Variants in SH2B2 observed in about 807,000 individuals in gnomAD.
SH2B2 encodes the protein SH2B adapter protein 2.
Under a neutral mutation model 35.7 loss-of-function variants are expected in SH2B2, and 37 were observed. That is an observed-to-expected ratio of 1.04 (90% confidence interval 0.80 to 1.36). The LOEUF is 1.36. Ranked by LOEUF, SH2B2 falls within the 40% of genes most tolerant of loss-of-function variation. The pLI is 0.00. For missense variants in SH2B2, 852 were observed against 817.7 expected (o/e 1.04, Z -0.51); for synonymous variants, 383 against 376.4 (o/e 1.02, Z -0.20).
rs1304362553 is a variant in SH2B2, at chr7:102,321,470, C to T, written c.1739C>T (p.Pro580Leu). ...SASSSSAASG[P>L]APPRPVEGQL... ...TCGTCGTCCTCTGCCGCGTCGGGGC[C>T]CGCCCCCCCGCGCCCCGTCGAGGGC... The change falls in exon 9 of 9, where the codon CCC (proline) becomes CTC (leucine). Residue 580 changes from proline (P) to leucine (L), a missense_variant. Pro to Leu is a moderately conservative substitution (Grantham distance 98). Transcript: ENST00000444095. The T allele has an allele frequency of 2.6e-5, 31 of 1,198,394 alleles. No homozygotes were observed. The highest frequency in any genetic ancestry group is 4.6e-5 in the Admixed American group (1 of 21,626). The allele number at this position is 1,198,394 out of a possible 1,614,324, so 74.2% of individuals were successfully genotyped here. A position where few individuals can be genotyped will look rare whatever the true frequency, so the allele number is the denominator to read the frequency against.
intron 7 of SH2B2, among the ~76,000 whole-genome samples, chr7:102,319,180 G>C (rs1793964720): frequency 2.0e-5 from 3 of 152,196 alleles, no homozygotes. Flanking sequence ...ATAAATGTCT[G>C]GAAGGTCTGG....
chr7:102,312,627 ATTTC>A (rs1424664804), intron 4 of SH2B2, among the ~76,000 whole-genome samples: 3 of 152,160 alleles, frequency 2.0e-5, no homozygotes, highest in African/African-American at 4.8e-5. Context: ...AGATTGGGTA[ATTTC>A]TTTCTTTCTT....
At position 102,314,354 on chromosome 7, in the gene SH2B2, C is replaced by G. The variant is rs1439344998; in HGVS notation, c.942C>G (p.Thr314=). 2.5e-6 allele frequency: 1 copy of G among 398,616 alleles called. No individual in the cohort carries two copies. The highest frequency in any genetic ancestry group is 2.1e-5 in the African/African-American group (1 of 48,714). The allele number at this position is 398,616 out of a possible 1,614,324, so 24.7% of individuals were successfully genotyped here. A position where few individuals can be genotyped will look rare whatever the true frequency, so the allele number is the denominator to read the frequency against. The change falls in exon 5 of 9, where the codon ACC becomes ACG. Residue 314 remains threonine, a synonymous_variant. Transcript: ENST00000444095. Reference sequence around the variant, plus strand: ...TCCACAGTGACAGTGAGGAAGACACCGAGCTCTCCTGTACCCGAGGAGGCT... The same window carrying G: ...TCCACAGTGACAGTGAGGAAGACACGGAGCTCTCCTGTACCCGAGGAGGCT... ...CVDPGDSEED[T]ELSCTRGGCL... is the part of the protein sequence containing the mutation.
Position 102,300,920 on chromosome 7 carries a change from C to T in SH2B2, c.370C>T (p.His124Tyr). Residue 124 changes from histidine to tyrosine, a missense_variant, in exon 2 of 9, where the codon CAC becomes TAC. Transcript: ENST00000444095. ...GCGGAGCTCGGAGGACGTGTCCACG[C>T]ACGCGGCCACCAAGGCCCGCGTTCG... is the stretch of plus-strand genomic sequence containing the variant. ...HSRSSEDVST[H>Y]AATKARVRKG... 3 of 1,487,850 alleles carry T rather than the reference C, an allele frequency of 2.0e-6. No homozygotes were observed. Among genetic ancestry groups the T allele is most frequent in the Non-Finnish European group, 2.7e-6 (3 of 1,122,768 alleles). The allele number at this position is 1,487,850 out of a possible 1,614,324, so 92.2% of individuals were successfully genotyped here.
chr7:102,321,315 C>G lies in SH2B2; in HGVS notation c.1584C>G (p.Pro528=). The change falls in exon 9 of 9, where the codon CCC becomes CCG. Residue 528 remains proline (P), a synonymous_variant. Transcript: ENST00000444095. ...QDPPPEPGPT[P]PAAPASPACW... ...TTGTTGCAGAGCCGGGCCCCACGCC[C>G]CCTGCCGCGCCCGCGTCCCCGGCCT... 7.0e-7 allele frequency: 1 copy of G among 1,423,916 alleles called. No individual in the cohort carries two copies. Among genetic ancestry groups the G allele is most frequent in the Non-Finnish European group, 9.1e-7 (1 of 1,094,454 alleles). The allele number at this position is 1,423,916 out of a possible 1,614,324, so 88.2% of individuals were successfully genotyped here.
At chr7:102,295,152 C>T (rs1477593005) in intron 1 of SH2B2, among the ~76,000 whole-genome samples, 3 of 152,128 alleles carry the variant, frequency 2.0e-5, no homozygotes, top group African/African-American at 7.2e-5. Context: ...GAGCTGGGGG[C>T]GACAGGGATT....
chr7:102,300,800 G>T lies in SH2B2; in HGVS notation c.250G>T (p.Gly84Trp). 6.7e-7 allele frequency: 1 copy of T among 1,498,844 alleles called. No individual in the cohort carries two copies. Among genetic ancestry groups the T allele is most frequent in the Non-Finnish European group, 8.9e-7 (1 of 1,119,300 alleles). The allele number at this position is 1,498,844 out of a possible 1,614,324, so 92.8% of individuals were successfully genotyped here. A position where few individuals can be genotyped will look rare whatever the true frequency, so the allele number is the denominator to read the frequency against. The change falls in exon 2 of 9, where the codon GGG becomes TGG. Residue 84 changes from glycine to tryptophan, a missense_variant. By Grantham distance (184) the Gly-to-Trp change is radical. This residue lies in a region of SH2B2 where 294 missense variants were observed against 286.6 expected (regional missense o/e 1.03). Coordinates refer to ENST00000444095, the MANE Select transcript of SH2B2 (RefSeq NM_001359228.2). ...GGAGGTGCGCCGCGTGCTGGTGGCT[G>T]GGCCGACGACTCGGGGCGCGGCCGT... The part of the protein sequence containing the change: ...GEEVRRVLVA[G>W]PTTRGAAVSA...
chr7:102,317,169 CTG>C lies in SH2B2; in HGVS notation c.1187-16_1187-15del. The C allele has an allele frequency of 6.4e-7, 1 of 1,563,586 alleles. No homozygotes were observed. The highest frequency in any genetic ancestry group is 1.4e-5 in the African/African-American group (1 of 74,000). The stretch of plus-strand genomic sequence containing the variant: ...TCTCCTTCCCCCCATGTTCCTCACA[CTG>C]TCATCCCCACCTCAGGGGAACAGGG... On this transcript the variant is annotated splice_polypyrimidine_tract_variant and intron_variant, in intron 6 of 8. Coordinates refer to ENST00000444095, the MANE Select transcript of SH2B2 (RefSeq NM_001359228.2).
intron 1 of SH2B2, among the ~76,000 whole-genome samples, chr7:102,289,958 G>A (rs1231821685): frequency 1.3e-5 from 2 of 152,096 alleles, no homozygotes; most frequent in East Asian, 1.9e-4. Flanking sequence ...CCAGCACTGG[G>A]TGCTCCTGAA....
Position 102,301,057 on chromosome 7 carries a change from C to T in SH2B2, c.507C>T (p.Ala169=), listed in dbSNP as rs1793160236. 6.5e-6 allele frequency: 9 copies of T among 1,377,170 alleles called. No individual in the cohort carries two copies. The East Asian group carries it at 2.5e-4, about 38-fold the overall frequency. The allele number at this position is 1,377,170 out of a possible 1,614,324, so 85.3% of individuals were successfully genotyped here. A position where few individuals can be genotyped will look rare whatever the true frequency, so the allele number is the denominator to read the frequency against. ...ACGCGGCAGCTGCCCCGCGCACCGC[C>T]GAGCCCCGCGACAAGTGGACGCGGC... ...EPDAAAAPRT[A]EPRDKWTRRL... is the part of the protein sequence containing the mutation. Residue 169 remains alanine, a synonymous_variant, in exon 2 of 9, where the codon GCC becomes GCT. Transcript: ENST00000444095.
At chr7:102,320,027 A>T (rs1010518819) in intron 7 of SH2B2, among the ~76,000 whole-genome samples, 1 of 152,074 alleles carries the variant, frequency 6.6e-6, no homozygotes, top group East Asian at 1.9e-4. Context: ...TATCTCTAAC[A>T]TGGGGGCAGT....
intron 2 of SH2B2, among the ~76,000 whole-genome samples, chr7:102,302,699 C>T (rs1419513164): frequency 1.3e-5 from 2 of 152,252 alleles, no homozygotes; most frequent in Non-Finnish European, 2.9e-5. Flanking sequence ...AGAGCGCAGA[C>T]AGATGCTCAG....
Position 102,300,588 on chromosome 7 carries a change from C to T in SH2B2, c.38C>T (p.Pro13Leu), listed in dbSNP as rs1039888488. The change falls in exon 2 of 9, where the codon CCG becomes CTG. Residue 13 changes from proline (P) to leucine (L), a missense_variant. Physicochemically the swap from Pro to Leu is moderately conservative, Grantham distance 98. This residue lies in a region of SH2B2 where 294 missense variants were observed against 286.6 expected (regional missense o/e 1.03). Transcript: ENST00000444095. Reference protein sequence around the residue: ...GAGPGPAAAAPVPVPVPVPDW... With the variant: ...GAGPGPAAAALVPVPVPVPDW... ...GGCCCTGGCCCCGCCGCAGCCGCCC[C>T]GGTCCCAGTCCCGGTCCCGGTCCCG... The T allele has an allele frequency of 9.7e-6, 15 of 1,549,636 alleles. No individual in the cohort carries two copies. Among genetic ancestry groups the T allele is most frequent in the Non-Finnish European group, 1.2e-5 (14 of 1,146,378 alleles).
intron 8 of SH2B2, 125 bp downstream of exon 8, chr7:102,320,627 C>T (rs1554558248): frequency 3.2e-6 from 4 of 1,263,386 alleles, no homozygotes; most frequent in Non-Finnish European, 4.3e-6. Context: ...CCGTGTCCCT[C>T]CCACCCTAGC....
chr7:102,299,241 T>A (rs1325235081), intron 1 of SH2B2, among the ~76,000 whole-genome samples: 12 of 101,970 alleles, frequency 1.2e-4, no homozygotes, highest in South Asian at 3.6e-4. Context: ...CTCTGTCACC[T>A]AGGCTGGAGT....
At chr7:102,296,968 G>T (rs1187601157) in intron 1 of SH2B2, among the ~76,000 whole-genome samples, 1 of 151,898 alleles carries the variant, frequency 6.6e-6, no homozygotes, top group Non-Finnish European at 1.5e-5. Flanking sequence ...GACACTGCAA[G>T]ACTCTGTCTC....
rs1279105645 is a variant in SH2B2, at chr7:102,286,927, G to C, written c.-197G>C. ...GCTCGGCTGCCAGAGAGCCGCGCGG[G>C]GGACGCGCCGGGACCGCGAGGAGCG... On this transcript the variant is annotated 5_prime_UTR_variant, in exon 1 of 9. Coordinates refer to ENST00000444095, the MANE Select transcript of SH2B2 (RefSeq NM_001359228.2). 36 of 149,190 alleles carry C rather than the reference G, an allele frequency of 2.4e-4. No individual in the cohort carries two copies. Among genetic ancestry groups the C allele is most frequent in the Non-Finnish European group, 3.7e-4 (25 of 67,114 alleles). The allele number at this position is 149,190 out of a possible 1,614,324, so 9.2% of individuals were successfully genotyped here.
intron 1 of SH2B2, among the ~76,000 whole-genome samples, 183 bp downstream of exon 1, chr7:102,287,277 A>T (rs1464537624): frequency 2.0e-5 from 3 of 151,376 alleles, no homozygotes; most frequent in African/African-American, 2.4e-5. Flanking sequence ...GAGGGAGGGG[A>T]GGCGCCCCCG....
At chr7:102,310,168 T>C (rs113174548) in intron 4 of SH2B2, among the ~76,000 whole-genome samples, 17 of 148,646 alleles carry the variant, frequency 1.1e-4, no homozygotes, top group Admixed American at 8.1e-4. Flanking sequence ...ATACAAAAAT[T>C]AGCCAGGCAT....
Sources: allele counts gnomAD v4.1 joint callset (sites outside exome capture counted in the v4.1 genomes callset), GRCh38; gene constraint gnomAD v4.1.1; regional missense constraint gnomAD v4.1.1; transcripts MANE v1.5; gene names NCBI Gene and HGNC (gene_info 2026-07-23, HGNC 2026-07-21).